The following ATG10 variants were observed in gnomAD, a reference collection of about 807,000 sequenced individuals.
The protein encoded by ATG10 is ubiquitin-like-conjugating enzyme ATG10.
Under a neutral mutation model 32.1 loss-of-function variants are expected in ATG10, and 30 were observed. The observed-to-expected ratio is 0.94, with a 90% CI of 0.70 to 1.27. ATG10 has a LOEUF of 1.27. ATG10 is among the 50% of genes most tolerant of loss of function. The pLI, the probability that ATG10 is intolerant of heterozygous loss-of-function variation, is 0.00. For synonymous variants in ATG10, 87 were observed against 91.5 expected (o/e 0.95, Z 0.28); for missense variants, 233 against 262.3 (o/e 0.89, Z 0.77).
In ATG10 at chr5:82,080,377, T is replaced by G. The variant is rs552602217; in HGVS notation, c.216+21775T>G. ...AGCTCTTTAGTTGAATTAGATCCCA[T>G]TTGTCTATTTTGGCTTTTGTTGCCA... On this transcript the variant is annotated intron_variant, in intron 3 of 7. Coordinates refer to ENST00000282185, the MANE Select transcript of ATG10 (RefSeq NM_031482.5). 9.6e-4 allele frequency among the ~76,000 whole-genome samples: 147 copies of G among 152,374 alleles called. No homozygotes were observed. In the Middle Eastern group the frequency reaches 0.01, roughly 11 times the overall value.
intron 3 of ATG10, among the ~76,000 whole-genome samples, chr5:82,139,949 G>GTCC: frequency 2.3e-5 from 3 of 128,926 alleles, no homozygotes; most frequent in Non-Finnish European, 5.1e-5. Flanking sequence ...GGGGGGGTCA[G>GTCC]CCCTCCGCCC....
At chr5:82,224,820 C>A (rs138570087) in intron 5 of ATG10, among the ~76,000 whole-genome samples, 20 of 152,242 alleles carry the variant, frequency 1.3e-4, no homozygotes, top group East Asian at 1.2e-3. Flanking sequence ...AAATCTTCAC[C>A]ACTTTGGTGT....
chr5:82,096,734 C>T (rs555502063), intron 3 of ATG10, among the ~76,000 whole-genome samples: 20 of 152,160 alleles, frequency 1.3e-4, no homozygotes, highest in South Asian at 6.2e-4. Context: ...CATCCTAAAG[C>T]GAAAGTTTCT....
chr5:82,064,579 T>C (rs1023797105), intron 3 of ATG10, among the ~76,000 whole-genome samples: 1 of 152,144 alleles, frequency 6.6e-6, no homozygotes, highest in African/African-American at 2.4e-5. Flanking sequence ...ATGCCAGCAT[T>C]AATGCCTTCA....
intron 1 of ATG10, among the ~76,000 whole-genome samples, chr5:81,984,292 C>T (rs370802600): frequency 9.2e-5 from 14 of 152,356 alleles, no homozygotes; most frequent in South Asian, 6.2e-4. Flanking sequence ...TCAGGCCTGG[C>T]GGCGCGCGCC....
At chr5:82,223,980 T>C (rs966148514) in intron 5 of ATG10, among the ~76,000 whole-genome samples, 17 of 152,170 alleles carry the variant, frequency 1.1e-4, no homozygotes, top group African/African-American at 4.1e-4. Flanking sequence ...GAATATAAAA[T>C]GCATGTGAAG....
chr5:82,197,331 A>T (rs1006509565), intron 5 of ATG10, among the ~76,000 whole-genome samples: 1 of 152,164 alleles, frequency 6.6e-6, no homozygotes, highest in African/African-American at 2.4e-5. Context: ...TCATGTCATT[A>T]TGGCATGTCT....
chr5:82,220,993 G>C (rs1192182696), intron 5 of ATG10, among the ~76,000 whole-genome samples: 1 of 152,086 alleles, frequency 6.6e-6, no homozygotes, highest in Non-Finnish European at 1.5e-5. Flanking sequence ...CCCTGACCTC[G>C]TGATCCACCG....
intron 2 of ATG10, among the ~76,000 whole-genome samples, chr5:82,026,270 A>G (rs1475035631): frequency 6.6e-6 from 1 of 152,228 alleles, no homozygotes; most frequent in African/African-American, 2.4e-5. Flanking sequence ...TTCACTTAGC[A>G]TAATGCCTTC....
At chr5:82,146,297 A>G (rs1392308011) in intron 3 of ATG10, among the ~76,000 whole-genome samples, 1 of 151,996 alleles carries the variant, frequency 6.6e-6, no homozygotes, top group Non-Finnish European at 1.5e-5. Context: ...GGAAATTCTA[A>G]TTGATGTTCC....
intron 4 of ATG10, among the ~76,000 whole-genome samples, chr5:82,171,600 TA>T (rs1474500650): frequency 2.0e-5 from 3 of 152,240 alleles, no homozygotes; most frequent in African/African-American, 7.2e-5. Context: ...CTCTGCCTCC[TA>T]CTTATTTTGG....
rs1381526363 is a variant in ATG10 at position 82,221,444 on chromosome 5, T to A, written c.454-31118T>A. Among the ~76,000 whole-genome samples, 6 of 152,140 alleles carry A rather than the reference T, an allele frequency of 3.9e-5. No homozygotes were observed. In the East Asian group the frequency reaches 1.2e-3, roughly 29 times the overall value. ...GCTCTTGAAAAACACTATGTACACT[T>A]TTTGCCTTCTGGTTGCAGATCAGGT... On this transcript the variant is annotated intron_variant, in intron 5 of 7. Transcript: ENST00000282185.
intron 3 of ATG10, among the ~76,000 whole-genome samples, chr5:82,086,504 C>G (rs530997630): frequency 1.3e-5 from 2 of 152,274 alleles, no homozygotes; most frequent in East Asian, 3.9e-4. Context: ...CCCTACATGG[C>G]CTCTCTACAT....
intron 2 of ATG10, among the ~76,000 whole-genome samples, chr5:82,027,356 G>A (rs542593781): frequency 4.6e-5 from 7 of 152,042 alleles, no homozygotes; most frequent in African/African-American, 7.2e-5. Context: ...CTATGATTGC[G>A]CCGCTGCACT....
chr5:82,131,515 T>C (rs542297861), intron 3 of ATG10, among the ~76,000 whole-genome samples: 1 of 152,158 alleles, frequency 6.6e-6, no homozygotes, highest in Non-Finnish European at 1.5e-5. Flanking sequence ...CAGTCTATAT[T>C]ACAGAGTTTC....
chr5:82,049,410 GA>G (rs1160769179), intron 2 of ATG10, among the ~76,000 whole-genome samples: 1 of 116,298 alleles, frequency 8.6e-6, no homozygotes, highest in African/African-American at 3.2e-5. Context: ...GGGGTGGGGG[GA>G]GGGGGGGAGG....
chr5:82,082,764 A>G (rs1764528298), intron 3 of ATG10, among the ~76,000 whole-genome samples: 1 of 152,192 alleles, frequency 6.6e-6, no homozygotes, highest in African/African-American at 2.4e-5. Flanking sequence ...GTTTTAGTAA[A>G]TAGAGATATA....
At chr5:82,178,038 G>A (rs1744098684) in intron 4 of ATG10, among the ~76,000 whole-genome samples, 1 of 152,134 alleles carries the variant, frequency 6.6e-6, no homozygotes, top group Non-Finnish European at 1.5e-5. Flanking sequence ...ACCTGATGGA[G>A]TGATTTGGAC....
At chr5:82,252,418 T>A (rs1747290633) in intron 5 of ATG10, 144 bp from the exon 6 acceptor site, 2 of 623,900 alleles carry the variant, frequency 3.2e-6, no homozygotes, top group Admixed American at 3.5e-5. Flanking sequence ...AAATTGTTTT[T>A]AAAAATAGAA....
Sources: gnomAD v4.1 joint callset for allele counts (sites outside exome capture counted in the v4.1 genomes callset) on GRCh38, gnomAD v4.1.1 for gene constraint, MANE v1.5 for transcripts, NCBI Gene and HGNC (gene_info 2026-07-23, HGNC 2026-07-21) for gene names.